COL4A2: variants seen among roughly 807,000 people sequenced by gnomAD.
COL4A2 encodes the protein collagen alpha-2(IV) chain.
Under a neutral mutation model 200.2 loss-of-function variants are expected in COL4A2, and 99 were observed. The observed-to-expected ratio is 0.49, with a 90% CI of 0.42 to 0.58. COL4A2 has a LOEUF of 0.58. COL4A2 is among the 20% of genes least tolerant of loss of function. The pLI, the probability that COL4A2 is intolerant of heterozygous loss-of-function variation, is 0.00. For missense variants in COL4A2, 1,950 were observed against 2,314.1 expected (o/e 0.84, Z 3.23); for synonymous variants, 897 against 900.6 (o/e 1.00, Z 0.07).
At position 110,458,830 on chromosome 13, in the gene COL4A2, C is replaced by G. The variant is rs1414660137; in HGVS notation, c.1492C>G (p.Leu498Val). The G allele has an allele frequency of 1.9e-6, 3 of 1,613,920 alleles. No homozygotes were observed. Among genetic ancestry groups the G allele is most frequent in the Non-Finnish European group, 2.5e-6 (3 of 1,179,922 alleles). ...CGAAGCTATCAAAGGTCTTCCGGGA[C>G]TGCCAGGACCCAAGGGCTTCGCAGG... ...GDEAIKGLPG[L>V]PGPKGFAGIN... Residue 498 changes from leucine (L) to valine (V), a missense_variant, in exon 22 of 48, where the codon CTG (leucine) becomes GTG (valine). Leu to Val is a conservative substitution (Grantham distance 32). This residue lies in a region of COL4A2 where 1,385 missense variants were observed against 1,720.5 expected (regional missense o/e 0.80). Transcript: ENST00000360467.
intron 6 of COL4A2, among the ~76,000 whole-genome samples, chr13:110,425,547 C>T (rs964171950): frequency 1.3e-5 from 2 of 152,238 alleles, no homozygotes; most frequent in Admixed American, 1.3e-4. Flanking sequence ...GACTCACAGC[C>T]TTCTTCACAG....
At chr13:110,344,387 A>G (rs1876609505) in intron 3 of COL4A2, among the ~76,000 whole-genome samples, 1 of 152,212 alleles carries the variant, frequency 6.6e-6, no homozygotes, top group Non-Finnish European at 1.5e-5. Flanking sequence ...TGACGACAAC[A>G]TTGAGGTTTA....
intron 18 of COL4A2, 127 bp downstream of exon 18, chr13:110,446,991 T>TAA (rs35275552): frequency 4.7e-4 from 228 of 485,216 alleles, no homozygotes; most frequent in Non-Finnish European, 5.6e-4. Flanking sequence ...ATAATAATAA[T>TAA]AAAAAAAATA....
chr13:110,454,005 GT>G (rs1470093481), intron 20 of COL4A2, among the ~76,000 whole-genome samples: 29 of 152,110 alleles, frequency 1.9e-4, no homozygotes, highest in African/African-American at 7.0e-4. Context: ...TGTTTTATAG[GT>G]TGCTACTGAT....
At chr13:110,387,362 C>G (rs1465870877) in intron 4 of COL4A2, among the ~76,000 whole-genome samples, 1 of 152,290 alleles carries the variant, frequency 6.6e-6, no homozygotes, top group Non-Finnish European at 1.5e-5. Context: ...CCCTGAGCTG[C>G]TGGAGGCCTT....
At chr13:110,482,185 G>A (rs964162724) in intron 31 of COL4A2, among the ~76,000 whole-genome samples, 12 of 152,200 alleles carry the variant, frequency 7.9e-5, no homozygotes, top group Non-Finnish European at 1.0e-4. Flanking sequence ...CCTTTCCAGC[G>A]TGCTCCTCTG....
chr13:110,308,325 C>T (rs994386917), intron 3 of COL4A2, among the ~76,000 whole-genome samples: 2 of 152,174 alleles, frequency 1.3e-5, no homozygotes, highest in Non-Finnish European at 2.9e-5. Flanking sequence ...GGGTTCCCAG[C>T]GTCAATCCTG....
At chr13:110,504,796 C>T (rs1391935359) in intron 45 of COL4A2, among the ~76,000 whole-genome samples, 7 of 121,916 alleles carry the variant, frequency 5.7e-5, no homozygotes, top group Admixed American at 3.7e-4. Flanking sequence ...GTAGTAGAGA[C>T]GGGGTTTCAC....
At chr13:110,402,818 C>T (rs917070545) in intron 4 of COL4A2, among the ~76,000 whole-genome samples, 25 of 152,140 alleles carry the variant, frequency 1.6e-4, no homozygotes, top group African/African-American at 5.5e-4. Context: ...CCAGGGCATC[C>T]CTTGGAAGCT....
rs1394546713 is a variant in COL4A2, at chr13:110,424,868, G to A, written c.315G>A (p.Val105=). Residue 105 remains valine, a splice_region_variant and synonymous_variant, in exon 5 of 48, where the codon GTG becomes GTA. Coordinates refer to ENST00000360467, the MANE Select transcript of COL4A2 (RefSeq NM_001846.4). Reference sequence around the variant, plus strand: ...GAGTAACGGGACCCAAGGGCGACGTGGTACGCACCGCTGGTGTATTCCCCT... The same window carrying A: ...GAGTAACGGGACCCAAGGGCGACGTAGTACGCACCGCTGGTGTATTCCCCT... ...APGVTGPKGD[V]GARGVSGFPG... is the part of the protein sequence containing the mutation. 6.2e-7 allele frequency: 1 copy of A among 1,614,170 alleles called. No homozygotes were observed. Among genetic ancestry groups the A allele is most frequent in the Non-Finnish European group, 8.5e-7 (1 of 1,180,026 alleles).
intron 33 of COL4A2, among the ~76,000 whole-genome samples, 200 bp from the exon 34 acceptor site, chr13:110,485,455 A>G (rs986269956): frequency 5.2e-4 from 77 of 147,022 alleles, no homozygotes; most frequent in Admixed American, 1.2e-3. Flanking sequence ...CCGGGGAGGC[A>G]GAGCTTGTAG....
At chr13:110,436,634 T>G (rs1170913568) in intron 13 of COL4A2, among the ~76,000 whole-genome samples, 2 of 151,738 alleles carry the variant, frequency 1.3e-5, no homozygotes, top group African/African-American at 4.8e-5. Context: ...AAAAAAAAAC[T>G]TATATCTATC....
At chr13:110,425,284 A>G (rs1880430178) in intron 6 of COL4A2, among the ~76,000 whole-genome samples, 1 of 152,188 alleles carries the variant, frequency 6.6e-6, no homozygotes, top group Non-Finnish European at 1.5e-5. Context: ...CTCGCCCTAA[A>G]GAGCCAGTCT....
intron 4 of COL4A2, among the ~76,000 whole-genome samples, chr13:110,393,876 CA>C (rs999856445): frequency 1.1e-4 from 16 of 149,822 alleles, no homozygotes; most frequent in African/African-American, 2.5e-4. Flanking sequence ...GAGATGCTGT[CA>C]AAAAAAAAAT....
chr13:110,390,960 C>T (rs1055829713), intron 4 of COL4A2, among the ~76,000 whole-genome samples: 1 of 152,244 alleles, frequency 6.6e-6, no homozygotes, highest in African/African-American at 2.4e-5. Context: ...GTATCTGACA[C>T]TATCTTTTCA....
chr13:110,424,822 A>C lies in COL4A2; in HGVS notation c.269A>C (p.Lys90Thr). The C allele has an allele frequency of 1.9e-6, 3 of 1,614,130 alleles. No individual in the cohort carries two copies. The South Asian group carries it at 3.3e-5, about 18-fold the overall frequency. Residue 90 changes from lysine (K) to threonine (T), a missense_variant, in exon 5 of 48, where the codon AAG (lysine) becomes ACG (threonine). This residue lies in a region of COL4A2 where 565 missense variants were observed against 593.5 expected (regional missense o/e 0.95). Transcript: ENST00000360467. ...GGACTGCAGGGACGTAAAGGAGACA[A>C]GGGTGAAAGGGGAGCCCCCGGAGTA... ...FPGLQGRKGD[K>T]GERGAPGVTG... is the part of the protein sequence containing the mutation.
At position 110,450,304 on chromosome 13, in the gene COL4A2, G is replaced by T. The variant is rs1162993834; in HGVS notation, c.1190-1G>T. The T allele has an allele frequency of 6.2e-7, 1 of 1,613,472 alleles. No homozygotes were observed. The highest frequency in any genetic ancestry group is 2.2e-5 in the East Asian group (1 of 44,870). ...TGCAGGTGAATGCTGTTTGGTTTCA[G>T]ATCAGAGGAGAGGCCTGCCGGGTGA... On this transcript the variant is annotated splice_acceptor_variant, in intron 19 of 47. Transcript: ENST00000360467. LOFTEE classifies it high-confidence loss of function.
chr13:110,325,317 C>G (rs750405639), intron 3 of COL4A2, among the ~76,000 whole-genome samples: 1 of 152,180 alleles, frequency 6.6e-6, no homozygotes, highest in Non-Finnish European at 1.5e-5. Flanking sequence ...CATTCCTCCC[C>G]ACCTGTTACC....
intron 14 of COL4A2, 63 bp downstream of exon 14, chr13:110,438,100 G>T: frequency 7.0e-7 from 1 of 1,419,098 alleles, no homozygotes; most frequent in South Asian, 1.2e-5. Flanking sequence ...GCTCTGCCAG[G>T]CATGACGGGG....
Sources: gnomAD v4.1 joint callset for allele counts (sites outside exome capture counted in the v4.1 genomes callset) on GRCh38, gnomAD v4.1.1 for gene constraint, gnomAD v4.1.1 regional missense constraint, MANE v1.5 for transcripts, NCBI Gene and HGNC (gene_info 2026-07-23, HGNC 2026-07-21) for gene names.